The following SLCO1A2 variants were observed in gnomAD, a reference collection of about 807,000 sequenced individuals.
SLCO1A2 encodes the protein OATP-1.
A neutral mutation model predicts 69.0 loss-of-function variants in SLCO1A2; 67 were observed. That is an observed-to-expected ratio of 0.97 (90% CI 0.80 to 1.19). The LOEUF (loss-of-function observed/expected upper bound fraction) is 1.19, where lower values mean the gene tolerates loss of function less well. SLCO1A2 is among the 50% of genes most tolerant of loss of function. The probability of loss-of-function intolerance (pLI) is 0.00; values close to 1 mark genes in which losing one functional copy is unlikely to be tolerated. For synonymous variants in SLCO1A2, 260 were observed against 265.9 expected, an observed-to-expected ratio of 0.98 and a Z score of 0.22; for missense variants, 787 against 793.7, an observed-to-expected ratio of 0.99 and a Z score of 0.10.
intron 12 of SLCO1A2, among the ~76,000 whole-genome samples, chr12:21,278,609 T>C (rs181688920): frequency 2.6e-3 from 399 of 152,324 alleles, no homozygotes; most frequent in Admixed American, 3.7e-3. Context: ...CAGAGAATTC[T>C]TTTGGATCTT....
rs1035886476 is a variant in SLCO1A2 at position 21,362,409 on chromosome 12, T to C, written c.-63+11990A>G. On this transcript the variant is annotated intron_variant, in intron 2 of 15. Transcript: ENST00000307378. ...GAGCTCCTTAAGGAAGCACTAAACATGGAAAGGAACAACCGGTACGAGCCA... is the reference window on the plus strand; with the variant it reads ...GAGCTCCTTAAGGAAGCACTAAACACGGAAAGGAACAACCGGTACGAGCCA... Among the ~76,000 whole-genome samples the C allele has an allele frequency of 2.0e-5, 3 of 152,016 alleles. No individual in the cohort carries two copies. In the South Asian group the frequency reaches 6.2e-4, roughly 32 times the overall value.
At chr12:21,366,663 A>G (rs1292204927) in intron 2 of SLCO1A2, among the ~76,000 whole-genome samples, 1 of 152,102 alleles carries the variant, frequency 6.6e-6, no homozygotes, top group Non-Finnish European at 1.5e-5. Flanking sequence ...AGAAAAGAGA[A>G]AGCTGTAAAT....
intron 2 of SLCO1A2, among the ~76,000 whole-genome samples, chr12:21,326,103 A>G (rs1461257309): frequency 6.6e-6 from 1 of 152,182 alleles, no homozygotes; most frequent in Non-Finnish European, 1.5e-5. Flanking sequence ...AAGTCTCACA[A>G]GATCTGATGG....
At chr12:21,384,718 A>G (rs1281705568) in intron 1 of SLCO1A2, among the ~76,000 whole-genome samples, 3 of 152,164 alleles carry the variant, frequency 2.0e-5, no homozygotes, top group African/African-American at 7.2e-5. Flanking sequence ...AAGGCATTAT[A>G]AAAAGAAAAA....
intron 1 of SLCO1A2, among the ~76,000 whole-genome samples, chr12:21,407,902 T>G (rs1053130042): frequency 6.6e-6 from 1 of 151,924 alleles, no homozygotes; most frequent in African/African-American, 2.4e-5. Flanking sequence ...AAATCGCTAC[T>G]GCAAAAGCCC....
intron 6 of SLCO1A2, among the ~76,000 whole-genome samples, chr12:21,302,927 G>A (rs1203084347): frequency 6.6e-6 from 1 of 151,384 alleles, no homozygotes; most frequent in Non-Finnish European, 1.5e-5. Context: ...CCTGACTGCA[G>A]ATGATTTGTC....
Position 21,269,777 on chromosome 12 carries a change from TA to T in SLCO1A2, c.1794-11del, listed in dbSNP as rs1250027018. The T allele has an allele frequency of 2.5e-6, 4 of 1,597,788 alleles. No homozygotes were observed. Among genetic ancestry groups the T allele is most frequent in the Non-Finnish European group, 3.4e-6 (4 of 1,170,792 alleles). On this transcript the variant is annotated splice_polypyrimidine_tract_variant and intron_variant, in intron 14 of 14. Transcript: ENST00000683939. ...TCCGAGGTAGATGTATCTATTTTTT[TA>T]AAAGTTAAAACATATTAAATATTAC...
intron 12 of SLCO1A2, among the ~76,000 whole-genome samples, chr12:21,286,075 G>A (rs1419404865): frequency 2.6e-5 from 4 of 151,466 alleles, no homozygotes; most frequent in African/African-American, 9.7e-5. Context: ...AATTGTCCCT[G>A]TTTGCAGATG....
chr12:21,373,269 A>G, intron 2 of SLCO1A2: 1 of 980,634 alleles, frequency 1.0e-6, no homozygotes, highest in South Asian at 1.3e-5. Flanking sequence ...ACTAAGCTCT[A>G]ATTTAAAATT....
chr12:21,276,600 A>C (rs1371878084), intron 12 of SLCO1A2, among the ~76,000 whole-genome samples: 1 of 152,042 alleles, frequency 6.6e-6, no homozygotes, highest in Non-Finnish European at 1.5e-5. Context: ...GAGCACTCAC[A>C]ATACCTGGTT....
chr12:21,289,704 A>T lies in SLCO1A2; in HGVS notation c.1610+2460T>A, dbSNP rs79349376. On this transcript the variant is annotated intron_variant, in intron 12 of 14. Coordinates refer to ENST00000683939, the MANE Select transcript of SLCO1A2 (RefSeq NM_001386879.1). ...CTGAGTTCTGTGAACCATTCTAGAA[A>T]ATGGAGGCATCAACCTTAATGCATC... Among the ~76,000 whole-genome samples the T allele has an allele frequency of 8.5e-3, 1,288 of 152,198 alleles. 12 individuals carry two copies. Among genetic ancestry groups the T allele is most frequent in the African/African-American group, 0.028 (1,175 of 41,516 alleles).
intron 1 of SLCO1A2, among the ~76,000 whole-genome samples, chr12:21,393,151 T>A (rs1941244011): frequency 6.6e-6 from 1 of 152,222 alleles, no homozygotes; most frequent in Admixed American, 6.5e-5. Flanking sequence ...GATTTCATTG[T>A]ACATTTAAAA....
chr12:21,274,115 A>C (rs977570157), intron 14 of SLCO1A2: 1 of 158,082 alleles, frequency 6.3e-6, no homozygotes, highest in Non-Finnish European at 1.4e-5. Context: ...TGAGATGATG[A>C]AATCATGCAG....
intron 4 of SLCO1A2, among the ~76,000 whole-genome samples, chr12:21,307,448 C>T (rs898279002): frequency 2.0e-5 from 3 of 152,062 alleles, no homozygotes; most frequent in Admixed American, 6.6e-5. Context: ...TCTGAGAAAC[C>T]GTACAATAAC....
intron 2 of SLCO1A2, among the ~76,000 whole-genome samples, chr12:21,350,442 G>A (rs1307281486): frequency 1.3e-5 from 2 of 152,050 alleles, no homozygotes; most frequent in East Asian, 1.9e-4. Flanking sequence ...TTATTAATAT[G>A]GAAAAGTATT....
At position 21,381,308 on chromosome 12, in the gene SLCO1A2, C is replaced by T. The variant is rs113006862; in HGVS notation, c.-189-6783G>A. 4.6e-5 allele frequency among the ~76,000 whole-genome samples: 7 copies of T among 151,778 alleles called. 1 individual carries two copies. Among genetic ancestry groups the T allele is most frequent in the African/African-American group, 1.7e-4 (7 of 41,350 alleles). ...ATCCAGAATCTAAAAGGAACTCGAACAAATCAGCAAGAAAAAAATAAATAA... is the reference window on the plus strand; with the variant it reads ...ATCCAGAATCTAAAAGGAACTCGAATAAATCAGCAAGAAAAAAATAAATAA... On this transcript the variant is annotated intron_variant, in intron 1 of 15. Transcript: ENST00000307378.
At chr12:21,272,308 C>G (rs1422898611) in intron 14 of SLCO1A2, among the ~76,000 whole-genome samples, 1 of 151,704 alleles carries the variant, frequency 6.6e-6, no homozygotes, top group Non-Finnish European at 1.5e-5. Flanking sequence ...TACTCTTGTA[C>G]AATTTGAAGT....
chr12:21,360,774 G>A (rs910475175), intron 2 of SLCO1A2, among the ~76,000 whole-genome samples: 7 of 152,232 alleles, frequency 4.6e-5, no homozygotes, highest in African/African-American at 1.7e-4. Flanking sequence ...CACACCCACG[G>A]AGGCTCGCTC....
chr12:21,300,285 A>T (rs1457130952), intron 8 of SLCO1A2, 63 bp downstream of exon 8: 1 of 1,214,008 alleles, frequency 8.2e-7, no homozygotes, highest in East Asian at 2.5e-5. Flanking sequence ...TTAGACTAAA[A>T]TACAGACATA....
Sources: gnomAD v4.1 joint callset for allele counts (sites outside exome capture counted in the v4.1 genomes callset) on GRCh38, gnomAD v4.1.1 for gene constraint, MANE v1.5 for transcripts, NCBI Gene and HGNC (gene_info 2026-07-23, HGNC 2026-07-21) for gene names.